The following NAA25 variants were observed in gnomAD, a reference collection of about 807,000 sequenced individuals.
NAA25 encodes N-alpha-acetyltransferase 25, NatB auxiliary subunit.
A neutral mutation model predicts 132.5 loss-of-function variants in NAA25; 30 were observed. That is an observed-to-expected ratio of 0.23 (90% CI 0.17 to 0.31). The LOEUF (loss-of-function observed/expected upper bound fraction) is 0.31. Ranked by LOEUF, NAA25 falls within the 10% of genes least tolerant of loss-of-function variation. NAA25 has a pLI of 1.00. For synonymous variants in NAA25, 359 were observed against 401.9 expected (o/e 0.89, Z 1.28); for missense variants, 771 against 1,150.4 (o/e 0.67, Z 4.77).
intron 6 of NAA25, 37 bp from the exon 7 acceptor site, chr12:112,078,303 C>G (rs1292471869): frequency 1.4e-6 from 2 of 1,410,336 alleles, no homozygotes; most frequent in Admixed American, 2.1e-5. Flanking sequence ...ACCTCTGAAA[C>G]TTTTCAATAA....
chr12:112,107,569 T>TAA lies in NAA25; in HGVS notation c.58+1145_58+1146dup, dbSNP rs3841472. Among the ~76,000 whole-genome samples the TAA allele has an allele frequency of 3.3e-4, 48 of 144,060 alleles. 2 individuals carry two copies. The East Asian group carries it at 8.3e-3, about 25-fold the overall frequency. 94.5% of individuals were successfully genotyped at this position (144,060 alleles called of 152,430 possible). ...GCTAAAATCAAATGAGATGTGAGAG[T>TAA]AAAAAAAAAAATCACACAAATTATG... On this transcript the variant is annotated intron_variant, in intron 1 of 23. Coordinates refer to ENST00000261745, the MANE Select transcript of NAA25 (RefSeq NM_024953.4).
At chr12:112,057,175 G>C (rs1038947573) in intron 13 of NAA25, among the ~76,000 whole-genome samples, 2 of 151,910 alleles carry the variant, frequency 1.3e-5, no homozygotes, top group Admixed American at 1.3e-4. Flanking sequence ...GCAACAGAGC[G>C]AGACTCCATC....
rs1368852328 is a variant in NAA25, at chr12:112,061,180, C to T, written c.1357+1G>A. On this transcript the variant is annotated splice_donor_variant, in intron 12 of 23. Transcript: ENST00000261745. LOFTEE classifies it high-confidence loss of function. ...ACTGCACATTTTGAATGGTTGCTCA[C>T]CAAATTCCAGTCCATGCTGGTACCT... 6.2e-7 allele frequency: 1 copy of T among 1,612,452 alleles called. No homozygotes were observed. The highest frequency in any genetic ancestry group is 8.5e-7 in the Non-Finnish European group (1 of 1,179,658).
At chr12:112,105,350 C>G (rs190490149) in intron 1 of NAA25, among the ~76,000 whole-genome samples, 2 of 152,146 alleles carry the variant, frequency 1.3e-5, no homozygotes, top group African/African-American at 4.8e-5. Context: ...CCAAGTCACA[C>G]AAGAGTACAA....
intron 13 of NAA25, among the ~76,000 whole-genome samples, chr12:112,058,084 T>G (rs2078574565): frequency 6.6e-6 from 1 of 152,102 alleles, no homozygotes; most frequent in African/African-American, 2.4e-5. Context: ...AAGGAGGATG[T>G]TGCAGTGAGC....
chr12:112,095,209 G>A (rs1020762935), intron 1 of NAA25, among the ~76,000 whole-genome samples: 3 of 151,890 alleles, frequency 2.0e-5, no homozygotes, highest in Non-Finnish European at 2.9e-5. Flanking sequence ...AGGCCGAGGC[G>A]GGCGGATCAC....
In NAA25 at chr12:112,098,085, C is replaced by T. The variant is rs11066160; in HGVS notation, c.59-4949G>A. ...GCAATGAGCTGAGATTGTGCCACTG[C>T]ACTCCAGCCTGGCAACAGAGCAAGA... On this transcript the variant is annotated intron_variant, in intron 1 of 23. Coordinates refer to ENST00000261745, the MANE Select transcript of NAA25 (RefSeq NM_024953.4). 1.9e-4 allele frequency among the ~76,000 whole-genome samples: 26 copies of T among 134,440 alleles called. No individual in the cohort carries two copies. The East Asian group carries it at 7.1e-3, about 37-fold the overall frequency. 88.2% of individuals were successfully genotyped at this position (134,440 alleles called of 152,430 possible).
chr12:112,083,481 T>C (rs1264560493), intron 4 of NAA25, among the ~76,000 whole-genome samples: 1 of 151,590 alleles, frequency 6.6e-6, no homozygotes. Flanking sequence ...ATTCAGCTGG[T>C]GCTGAATTGC....
intron 11 of NAA25, among the ~76,000 whole-genome samples, chr12:112,068,391 T>C (rs1207789194): frequency 6.6e-6 from 1 of 152,112 alleles, no homozygotes; most frequent in Non-Finnish European, 1.5e-5. Context: ...ATGTGCCACA[T>C]ACTGCACTAA....
chr12:112,037,277 TATA>T (rs2078236007), intron 22 of NAA25, among the ~76,000 whole-genome samples: 1 of 10,372 alleles, frequency 9.6e-5, no homozygotes, highest in Non-Finnish European at 1.5e-4. Context: ...AAAAAATACA[TATA>T]TATATATATA....
At chr12:112,063,345 C>T (rs1417991225) in intron 11 of NAA25, among the ~76,000 whole-genome samples, 1 of 152,106 alleles carries the variant, frequency 6.6e-6, no homozygotes, top group Non-Finnish European at 1.5e-5. Context: ...AGTTAGGCCC[C>T]TCCAAAAGTT....
chr12:112,077,333 C>T (rs1262562572), intron 7 of NAA25, among the ~76,000 whole-genome samples: 4 of 151,652 alleles, frequency 2.6e-5, no homozygotes, highest in African/African-American at 7.3e-5. Context: ...ATTAGCTGGG[C>T]GTGGTGGTGT....
chr12:112,044,437 G>A (rs1386642590), intron 17 of NAA25, among the ~76,000 whole-genome samples: 5 of 151,810 alleles, frequency 3.3e-5, no homozygotes, highest in East Asian at 2.0e-4. Flanking sequence ...TTGGAAGGCC[G>A]AGGTGGGCAG....
chr12:112,039,401 T>C, intron 21 of NAA25, 62 bp from the exon 22 acceptor site: 1 of 969,242 alleles, frequency 1.0e-6, no homozygotes, highest in Non-Finnish European at 1.6e-6. Flanking sequence ...ATCAGGAAAT[T>C]AGAGGCAATG....
intron 4 of NAA25, among the ~76,000 whole-genome samples, chr12:112,081,960 A>C (rs11066152): frequency 0.083 from 12,669 of 152,254 alleles, 799 homozygotes; most frequent in Non-Finnish European, 0.13. Context: ...AATAAAAATA[A>C]ATGTCCTGGG....
chr12:112,040,396 G>T, intron 21 of NAA25, 85 bp downstream of exon 21: 1 of 740,312 alleles, frequency 1.4e-6, no homozygotes, highest in Non-Finnish European at 2.3e-6. Context: ...GGTATAAGGT[G>T]CCTATTACCT....
intron 1 of NAA25, among the ~76,000 whole-genome samples, chr12:112,093,609 G>A (rs1443477567): frequency 6.6e-6 from 1 of 152,180 alleles, no homozygotes; most frequent in East Asian, 1.9e-4. Context: ...GCACAGTCCA[G>A]TGGCTCACAC....
chr12:112,061,291 C>T lies in NAA25; in HGVS notation c.1247G>A (p.Cys416Tyr). The T allele has an allele frequency of 6.2e-7, 1 of 1,614,136 alleles. No individual in the cohort carries two copies. Among genetic ancestry groups the T allele is most frequent in the Non-Finnish European group, 8.5e-7 (1 of 1,179,998 alleles). Reference sequence around the variant, plus strand: ...AAGTAACCTCGTCAGCTGCACCACACACAAATGTTGCTGCAGAGCTCTGAT... The same window carrying T: ...AAGTAACCTCGTCAGCTGCACCACATACAAATGTTGCTGCAGAGCTCTGAT... ...ADIRALQQHLCVVQLTRLLGL... is the reference protein window; with the variant it reads ...ADIRALQQHLYVVQLTRLLGL... The change falls in exon 12 of 24, where the codon TGT (cysteine) becomes TAT (tyrosine). Residue 416 changes from cysteine to tyrosine, a missense_variant. Physicochemically the swap from Cys to Tyr is radical, Grantham distance 194. Around this residue, in one of 3 missense-constraint regions of NAA25, gnomAD observed 417 missense variants for 733.8 expected, o/e 0.57. Transcript: ENST00000261745.
At chr12:112,074,849 T>C (rs1270685135) in intron 8 of NAA25, 85 bp from the exon 9 acceptor site, 13 of 952,918 alleles carry the variant, frequency 1.4e-5, no homozygotes, top group Non-Finnish European at 2.1e-5. Flanking sequence ...CAATTTATTT[T>C]GTAAGTTATA....
Sources: gnomAD v4.1 joint callset for allele counts (sites outside exome capture counted in the v4.1 genomes callset) on GRCh38, gnomAD v4.1.1 for gene constraint, gnomAD v4.1.1 regional missense constraint, MANE v1.5 for transcripts, NCBI Gene and HGNC (gene_info 2026-07-23, HGNC 2026-07-21) for gene names.